Variants in SERPINA6 observed in about 807,000 individuals in gnomAD.
SERPINA6 encodes the protein serpin family A member 6.
A neutral mutation model predicts 26.4 loss-of-function variants in SERPINA6; 19 were observed. The ratio of observed to expected loss-of-function variants is 0.72; its 90% CI spans 0.50 to 1.06. The LOEUF (loss-of-function observed/expected upper bound fraction) is 1.06. SERPINA6 is among the 50% of genes least tolerant of loss of function. The pLI, the probability that SERPINA6 is intolerant of heterozygous loss-of-function variation, is 0.00. For missense variants in SERPINA6, 473 were observed against 504.0 expected (o/e 0.94, Z 0.59); for synonymous variants, 196 against 199.4 (o/e 0.98, Z 0.14).
In SERPINA6 at chr14:94,304,255, C is replaced by T. The variant is rs988040783; in HGVS notation, c.*163G>A. ...CTTTAACCACACCGGTCATCAGAGT[C>T]GCAATGACATTTATTAAAAGATGCC... On this transcript the variant is annotated 3_prime_UTR_variant, in exon 5 of 5. Transcript: ENST00000341584. The T allele has an allele frequency of 4.2e-5, 31 of 742,434 alleles. No individual in the cohort carries two copies. The highest frequency in any genetic ancestry group is 8.7e-5 in the African/African-American group (5 of 57,780). The allele number at this position is 742,434 out of a possible 1,614,324, so 46.0% of individuals were successfully genotyped here. A position where few individuals can be genotyped will look rare whatever the true frequency, so the allele number is the denominator to read the frequency against.
At chr14:94,318,561 T>TG (rs1895642506) in intron 1 of SERPINA6, among the ~76,000 whole-genome samples, 1 of 152,166 alleles carries the variant, frequency 6.6e-6, no homozygotes, top group Non-Finnish European at 1.5e-5. Context: ...GACCATTCAA[T>TG]GGGGAAAAGA....
intron 4 of SERPINA6, among the ~76,000 whole-genome samples, chr14:94,304,815 T>C (rs1019688374): frequency 1.3e-5 from 2 of 152,180 alleles, no homozygotes; most frequent in Non-Finnish European, 2.9e-5. Flanking sequence ...CTACACTTCC[T>C]ATTCAAAGGG....
At position 94,304,437 on chromosome 14, in the gene SERPINA6, C is replaced by T. The variant is rs1356585349; in HGVS notation, c.1199G>A (p.Arg400Lys). The part of the protein sequence containing the change: ...HFTWSSLFLA[R>K]VMNPV ...GGTCTCTTACACTGGGTTCATAACC[C>T]TCGCCAGGAAAAGGCTGCTCCAGGT... Residue 400 changes from arginine to lysine, a missense_variant, in exon 5 of 5, where the codon AGG (arginine) becomes AAG (lysine). Arg to Lys is a conservative substitution (Grantham distance 26, BLOSUM62 2). Coordinates refer to ENST00000341584, the MANE Select transcript of SERPINA6 (RefSeq NM_001756.4). 1.9e-6 allele frequency: 3 copies of T among 1,614,086 alleles called. No individual in the cohort carries two copies. Among genetic ancestry groups the T allele is most frequent in the East Asian group, 4.5e-5 (2 of 44,882 alleles).
intron 3 of SERPINA6, among the ~76,000 whole-genome samples, chr14:94,309,255 A>G (rs541862571): frequency 9.2e-5 from 14 of 152,230 alleles, no homozygotes; most frequent in African/African-American, 3.1e-4. Flanking sequence ...GAAGAGTTAG[A>G]TGCCCTGAGT....
In SERPINA6 at chr14:94,320,022, A is replaced by C. The variant is rs190381251; in HGVS notation, c.-20+3245T>G. 5.9e-5 allele frequency among the ~76,000 whole-genome samples: 9 copies of C among 152,306 alleles called. No homozygotes were observed. In the East Asian group the frequency reaches 1.7e-3, roughly 29 times the overall value. ...AAAAAGAGTTCCATAAGAGCAATTA[A>C]AAAAAATCCACCCAAGGTTGGAATC... On this transcript the variant is annotated intron_variant, in intron 1 of 4. Transcript: ENST00000341584.
chr14:94,320,608 A>G (rs747964639), intron 1 of SERPINA6, among the ~76,000 whole-genome samples: 23 of 152,186 alleles, frequency 1.5e-4, no homozygotes, highest in Non-Finnish European at 2.6e-4. Context: ...TAATTTGTCT[A>G]AAGTTTTCTT....
In SERPINA6 at chr14:94,309,795, T is replaced by TGTGTTCATCTTCCCCTTGTCC; in HGVS notation, c.804_824dup (p.Asp269_Thr275dup). On this transcript the variant is annotated inframe_insertion, in exon 3 of 5. Coordinates refer to ENST00000341584, the MANE Select transcript of SERPINA6 (RefSeq NM_001756.4). ...TGTCCCGGCTCAGTGCAGCGATGAC[T>TGTGTTCATCTTCCCCTTGTCC]GTGTTCATCTTCCCCTTGTCCGGAA... 1 of 1,614,204 alleles carries TGTGTTCATCTTCCCCTTGTCC rather than the reference T, an allele frequency of 6.2e-7. No homozygotes were observed. The highest frequency in any genetic ancestry group is 8.5e-7 in the Non-Finnish European group (1 of 1,180,022).
At chr14:94,307,840 A>G (rs1895464722) in intron 3 of SERPINA6, among the ~76,000 whole-genome samples, 1 of 152,224 alleles carries the variant, frequency 6.6e-6, no homozygotes, top group Non-Finnish European at 1.5e-5. Flanking sequence ...AAATTCCCAG[A>G]CACTTCCATG....
At chr14:94,307,752 C>T (rs1895463941) in intron 3 of SERPINA6, among the ~76,000 whole-genome samples, 1 of 152,204 alleles carries the variant, frequency 6.6e-6, no homozygotes, top group Non-Finnish European at 1.5e-5. Context: ...GGTTTAAGAA[C>T]TGTGTCCTCC....
chr14:94,318,500 C>T (rs1895641846), intron 1 of SERPINA6, among the ~76,000 whole-genome samples: 1 of 152,092 alleles, frequency 6.6e-6, no homozygotes, highest in African/African-American at 2.4e-5. Flanking sequence ...GAATACAGAA[C>T]CCAGAAATAA....
At position 94,309,947 on chromosome 14, in the gene SERPINA6, C is replaced by T. The variant is rs370762935; in HGVS notation, c.673G>A (p.Glu225Lys). The change falls in exon 3 of 5, where the codon GAG (glutamate) becomes AAG (lysine). Residue 225 changes from glutamate to lysine, a missense_variant. By Grantham distance (56) the Glu-to-Lys change is moderately conservative (BLOSUM62 1). Transcript: ENST00000341584. ...ATGGGCACCTTCACCACAGTTGTCT[C>T]GTCCACATAGAAGTTCTCCTCCCTG... ...STREENFYVD[E>K]TTVVKVPMML... 4.0e-5 allele frequency: 64 copies of T among 1,614,144 alleles called. No individual in the cohort carries two copies. The East Asian group carries it at 5.1e-4, about 13-fold the overall frequency.
intron 1 of SERPINA6, among the ~76,000 whole-genome samples, chr14:94,317,710 C>G (rs1196669244): frequency 6.6e-6 from 1 of 152,164 alleles, no homozygotes; most frequent in Non-Finnish European, 1.5e-5. Context: ...AAAACTACCT[C>G]AACATAATCA....
chr14:94,315,094 T>C (rs2139723989), intron 1 of SERPINA6, among the ~76,000 whole-genome samples: 1 of 152,270 alleles, frequency 6.6e-6, no homozygotes, highest in Middle Eastern at 3.4e-3. Flanking sequence ...TGAGTAAGCT[T>C]TTTTCCACAA....
Position 94,304,256 on chromosome 14 carries a change from G to A in SERPINA6, c.*162C>T, listed in dbSNP as rs1399775003. 2.4e-5 allele frequency: 18 copies of A among 747,264 alleles called. No homozygotes were observed. The highest frequency in any genetic ancestry group is 2.2e-4 in the Admixed American group (11 of 49,390). 46.3% of individuals were successfully genotyped at this position (747,264 alleles called of 1,614,324 possible). ...TTTAACCACACCGGTCATCAGAGTC[G>A]CAATGACATTTATTAAAAGATGCCT... On this transcript the variant is annotated 3_prime_UTR_variant, in exon 5 of 5. Coordinates refer to ENST00000341584, the MANE Select transcript of SERPINA6 (RefSeq NM_001756.4).
chr14:94,316,329 G>A (rs2139725015), intron 1 of SERPINA6, among the ~76,000 whole-genome samples: 1 of 152,268 alleles, frequency 6.6e-6, no homozygotes, highest in East Asian at 1.9e-4. Flanking sequence ...AGAAGAATGT[G>A]TATTCTGTTG....
chr14:94,313,943 CAA>C (rs780858815), intron 2 of SERPINA6, 91 bp downstream of exon 2: 6 of 1,360,802 alleles, frequency 4.4e-6, no homozygotes, highest in Middle Eastern at 1.8e-4. Flanking sequence ...TTTACAGAAT[CAA>C]AGACTTTGCC....
intron 1 of SERPINA6, 192 bp from the exon 2 acceptor site, chr14:94,314,859 TA>T (rs1270352565): frequency 7.9e-6 from 5 of 632,166 alleles, no homozygotes; most frequent in Non-Finnish European, 1.4e-5. Flanking sequence ...TAACAGCCGT[TA>T]TGATTTATCC....
chr14:94,321,793 C>CA (rs1053472242), intron 1 of SERPINA6, among the ~76,000 whole-genome samples: 4 of 152,214 alleles, frequency 2.6e-5, no homozygotes, highest in African/African-American at 9.7e-5. Flanking sequence ...TGCCCCATGA[C>CA]AGGCAGTGAA....
Position 94,314,287 on chromosome 14 carries a change from G to T in SERPINA6, c.362C>A (p.Thr121Asn), listed in dbSNP as rs1159602844. ...HLHQLFAKSD[T>N]SLEMTMGNAL... ...ATTGCCCATGGTCATTTCTAAGCTG[G>T]TGTCTGACTTTGCAAAGAGTTGGTG... The change falls in exon 2 of 5, where the codon ACC (threonine) becomes AAC (asparagine). Residue 121 changes from threonine to asparagine, a missense_variant. Thr to Asn is a moderately conservative substitution (Grantham distance 65, BLOSUM62 0). Coordinates refer to ENST00000341584, the MANE Select transcript of SERPINA6 (RefSeq NM_001756.4). 6.2e-7 allele frequency: 1 copy of T among 1,614,204 alleles called. No homozygotes were observed. The highest frequency in any genetic ancestry group is 1.7e-5 in the Admixed American group (1 of 60,026).
Sources: allele counts gnomAD v4.1 joint callset (sites outside exome capture counted in the v4.1 genomes callset), GRCh38; gene constraint gnomAD v4.1.1; transcripts MANE v1.5; gene names NCBI Gene and HGNC (gene_info 2026-07-23, HGNC 2026-07-21).